Variants in ATP10B observed in about 807,000 individuals in gnomAD.
ATP10B encodes the protein ATPase phospholipid transporting 10B (putative).
A neutral mutation model predicts 141.2 loss-of-function variants in ATP10B; 122 were observed. The ratio of observed to expected loss-of-function variants is 0.86; its 90% confidence interval spans 0.75 to 1.00. The LOEUF is 1.00. Among genes scored for constraint, ATP10B ranks in the 50% least tolerant of loss-of-function variants. The probability of loss-of-function intolerance (pLI) is 0.00; values close to 1 mark genes in which losing one functional copy is unlikely to be tolerated. For missense variants in ATP10B, 1,876 were observed against 1,825.3 expected (o/e 1.03, Z -0.51); for synonymous variants, 685 against 692.0 (o/e 0.99, Z 0.16).
intron 1 of ATP10B, among the ~76,000 whole-genome samples, chr5:160,802,057 G>A (rs1489218748): frequency 1.3e-5 from 2 of 152,180 alleles, no homozygotes; most frequent in African/African-American, 4.8e-5. Context: ...AGCTGTGTCT[G>A]TAGAGGTGTT....
At chr5:160,782,213 A>G (rs1770763303) in intron 2 of ATP10B, among the ~76,000 whole-genome samples, 1 of 152,172 alleles carries the variant, frequency 6.6e-6, no homozygotes, top group Admixed American at 6.6e-5. Flanking sequence ...CACTTGGTAT[A>G]TATTGGTCAG....
chr5:160,859,507 A>C, the ATP10B span, among the ~76,000 whole-genome samples: 114,350 of 151,470 alleles, frequency 0.75, 44,213 homozygotes, highest in East Asian at 0.97. Flanking sequence ...CCCCCTCCCC[A>C]TAATCCCCCT....
the ATP10B span, among the ~76,000 whole-genome samples, chr5:160,910,421 T>C: frequency 6.6e-6 from 1 of 152,228 alleles, no homozygotes; most frequent in South Asian, 2.1e-4. Context: ...GAGCAGACTC[T>C]GTCAATTTCG....
intron 1 of ATP10B, among the ~76,000 whole-genome samples, chr5:160,851,593 G>C (rs1182447183): frequency 1.3e-5 from 2 of 152,162 alleles, no homozygotes; most frequent in African/African-American, 4.8e-5. Flanking sequence ...GCTTTGAGAA[G>C]AAGGCTGTAA....
chr5:160,863,589 GAAGAA>G, the ATP10B span, among the ~76,000 whole-genome samples: 1 of 151,722 alleles, frequency 6.6e-6, no homozygotes, highest in Admixed American at 6.6e-5. Context: ...AAACTCAGCA[GAAGAA>G]AAGAACAAAG....
the ATP10B span, among the ~76,000 whole-genome samples, chr5:160,891,912 C>T: frequency 1.5e-4 from 23 of 152,272 alleles, no homozygotes; most frequent in African/African-American, 5.5e-4. Flanking sequence ...TGTAGGAATA[C>T]TACATGTATT....
At chr5:160,618,834 A>C (rs1758167985) in intron 15 of ATP10B, among the ~76,000 whole-genome samples, 2 of 145,132 alleles carry the variant, frequency 1.4e-5, no homozygotes, top group South Asian at 4.6e-4. Flanking sequence ...GCTAGGCTTC[A>C]GAATCATTTT....
At chr5:160,891,906 G>A in the ATP10B span, among the ~76,000 whole-genome samples, 1 of 152,184 alleles carries the variant, frequency 6.6e-6, no homozygotes, top group Non-Finnish European at 1.5e-5. Context: ...TATGAGTGTA[G>A]GAATACTACA....
Position 160,785,574 on chromosome 5 carries a change from C to T in ATP10B, c.-346G>A. The T allele has an allele frequency of 1.2e-6, 1 of 864,978 alleles. No homozygotes were observed. Among genetic ancestry groups the T allele is most frequent in the Non-Finnish European group, 1.7e-6 (1 of 601,752 alleles). The allele number at this position is 864,978 out of a possible 1,614,324, so 53.6% of individuals were successfully genotyped here. A position where few individuals can be genotyped will look rare whatever the true frequency, so the allele number is the denominator to read the frequency against. ...AAGATAGTACCTGATAGGTAGATTT[C>T]AAGTCTTGTTCCTCTTTCTCCTTCC... On this transcript the variant is annotated 5_prime_UTR_variant, in exon 2 of 26. Transcript: ENST00000327245.
At chr5:160,885,901 A>C in the ATP10B span, among the ~76,000 whole-genome samples, 1 of 152,150 alleles carries the variant, frequency 6.6e-6, no homozygotes, top group African/African-American at 2.4e-5. Context: ...TCTTGCTCCT[A>C]AATTACTCTT....
the ATP10B span, among the ~76,000 whole-genome samples, chr5:160,905,642 A>T: frequency 1.3e-5 from 2 of 152,194 alleles, no homozygotes; most frequent in Non-Finnish European, 2.9e-5. Flanking sequence ...TAAGTAAAAA[A>T]GATCATTTAT....
chr5:160,838,615 A>T (rs568333673), intron 1 of ATP10B, among the ~76,000 whole-genome samples: 4 of 152,224 alleles, frequency 2.6e-5, no homozygotes, highest in African/African-American at 9.6e-5. Context: ...CTGTGATTTT[A>T]ATGAATAATG....
At chr5:160,725,602 C>T (rs925891971) in intron 2 of ATP10B, among the ~76,000 whole-genome samples, 18 of 152,314 alleles carry the variant, frequency 1.2e-4, no homozygotes, top group African/African-American at 4.3e-4. Context: ...CCCGCCATCA[C>T]ACCCGGCTGA....
At chr5:160,591,692 ATCTTT>A (rs1319168194) in intron 22 of ATP10B, among the ~76,000 whole-genome samples, 1 of 152,130 alleles carries the variant, frequency 6.6e-6, no homozygotes, top group Admixed American at 6.5e-5. Flanking sequence ...TCAGGCATTA[ATCTTT>A]GTGCCTTCCC....
intron 1 of ATP10B, among the ~76,000 whole-genome samples, chr5:160,840,613 G>A (rs1775754189): frequency 1.3e-5 from 2 of 152,140 alleles, no homozygotes; most frequent in South Asian, 4.2e-4. Context: ...AAATATTGGT[G>A]AGTTCCCCTA....
chr5:160,596,081 C>CA (rs1756670349), intron 22 of ATP10B, among the ~76,000 whole-genome samples: 1 of 151,584 alleles, frequency 6.6e-6, no homozygotes, highest in Non-Finnish European at 1.5e-5. Flanking sequence ...CGGGCAGAGA[C>CA]ACAACCAAAA....
At chr5:160,663,032 G>GA (rs1251699163) in intron 7 of ATP10B, among the ~76,000 whole-genome samples, 1 of 152,108 alleles carries the variant, frequency 6.6e-6, no homozygotes, top group Non-Finnish European at 1.5e-5. Context: ...AAAGACACAT[G>GA]AAAAAATGCT....
Position 160,687,819 on chromosome 5 carries a change from G to T in ATP10B, c.256C>A (p.Leu86Ile), listed in dbSNP as rs771538968. The T allele has an allele frequency of 1.1e-5, 17 of 1,613,974 alleles. No individual in the cohort carries two copies. The highest frequency in any genetic ancestry group is 1.4e-5 in the Non-Finnish European group (17 of 1,179,924). ...CTCTACCTATGAAATTGCTCAAAGA[G>T]ATTCCGGGGCAGGAAGGTGAAGAGG... ...YTLFTFLPRN[L>I]FEQFHRWANL... Residue 86 changes from leucine (L) to isoleucine (I), a missense_variant, in exon 5 of 26, where the codon CTC becomes ATC. Physicochemically the swap from Leu to Ile is conservative, Grantham distance 5. Transcript: ENST00000327245.
intron 2 of ATP10B, among the ~76,000 whole-genome samples, chr5:160,746,859 G>C (rs1027446649): frequency 2.6e-5 from 4 of 152,304 alleles, no homozygotes; most frequent in Admixed American, 2.6e-4. Flanking sequence ...CCAGAGATGG[G>C]AGGTAAATTG....
Sources: gnomAD v4.1 joint callset for allele counts (sites outside exome capture counted in the v4.1 genomes callset) on GRCh38, gnomAD v4.1.1 for gene constraint, MANE v1.5 for transcripts, NCBI Gene and HGNC (gene_info 2026-07-23, HGNC 2026-07-21) for gene names.